Variants in ERBB4 observed in about 807,000 individuals in gnomAD.
ERBB4 encodes the protein erb-b2 receptor tyrosine kinase 4.
Under a neutral mutation model 158.0 loss-of-function variants are expected in ERBB4, and 42 were observed. The ratio of observed to expected loss-of-function variants is 0.27; its 90% confidence interval spans 0.21 to 0.34. The LOEUF (loss-of-function observed/expected upper bound fraction) is 0.34. Among genes scored for constraint, ERBB4 ranks in the 10% least tolerant of loss-of-function variants. The pLI, the probability that ERBB4 is intolerant of heterozygous loss-of-function variation, is 1.00. For missense variants in ERBB4, 1,333 were observed against 1,624.1 expected, an observed-to-expected ratio of 0.82 and a Z score of 3.08; for synonymous variants, 583 against 558.7, an observed-to-expected ratio of 1.04 and a Z score of -0.61.
At chr2:211,980,777 T>C (rs1169442559) in intron 2 of ERBB4, among the ~76,000 whole-genome samples, 1 of 152,206 alleles carries the variant, frequency 6.6e-6, no homozygotes, top group African/African-American at 2.4e-5. Flanking sequence ...CACATGTGAT[T>C]ACTAGCTCAT....
intron 16 of ERBB4, among the ~76,000 whole-genome samples, chr2:211,635,788 T>C (rs2070334684): frequency 6.6e-6 from 1 of 152,134 alleles, no homozygotes; most frequent in Non-Finnish European, 1.5e-5. Flanking sequence ...GTTAATTCTA[T>C]GATTCTACCT....
chr2:211,746,017 G>A (rs941841138), intron 5 of ERBB4, among the ~76,000 whole-genome samples: 3 of 152,126 alleles, frequency 2.0e-5, no homozygotes, highest in Admixed American at 2.0e-4. Context: ...TTCCTCAATT[G>A]TAAAATTGGG....
intron 2 of ERBB4, among the ~76,000 whole-genome samples, chr2:212,053,809 T>A (rs193244814): frequency 9.2e-5 from 14 of 152,344 alleles, no homozygotes; most frequent in Middle Eastern, 6.8e-3. Flanking sequence ...TTACGCATAT[T>A]CAGGTTTCTA....
chr2:212,057,894 T>C (rs2077630527), intron 2 of ERBB4, among the ~76,000 whole-genome samples: 1 of 152,054 alleles, frequency 6.6e-6, no homozygotes, highest in Non-Finnish European at 1.5e-5. Flanking sequence ...AGCAAACACA[T>C]TCAAAAGCTA....
chr2:212,221,177 T>C (rs2083279233), intron 1 of ERBB4, among the ~76,000 whole-genome samples: 2 of 151,468 alleles, frequency 1.3e-5, no homozygotes, highest in Admixed American at 1.3e-4. Flanking sequence ...TGAAAGTGCT[T>C]GGAGTTTATA....
intron 1 of ERBB4, among the ~76,000 whole-genome samples, chr2:212,479,135 G>A (rs886433803): frequency 1.3e-5 from 2 of 152,102 alleles, no homozygotes; most frequent in African/African-American, 2.4e-5. Context: ...TCAATGCCAG[G>A]CATCCCTATT....
chr2:211,607,153 A>T (rs1043381304), intron 19 of ERBB4, among the ~76,000 whole-genome samples: 2 of 152,190 alleles, frequency 1.3e-5, no homozygotes, highest in African/African-American at 4.8e-5. Context: ...AAATAAGAAA[A>T]ATGAAAAAAT....
chr2:212,398,261 G>A (rs2091089047), intron 1 of ERBB4, among the ~76,000 whole-genome samples: 1 of 151,970 alleles, frequency 6.6e-6, no homozygotes, highest in Non-Finnish European at 1.5e-5. Flanking sequence ...ATGGGTGTTT[G>A]TTTTGTTGTC....
chr2:212,389,987 C>G (rs1423348307), intron 1 of ERBB4, among the ~76,000 whole-genome samples: 1 of 151,506 alleles, frequency 6.6e-6, no homozygotes, highest in African/African-American at 2.4e-5. Flanking sequence ...AAGAAATAGC[C>G]CTCATTCACC....
chr2:211,501,805 T>C (rs1388689040), intron 20 of ERBB4, among the ~76,000 whole-genome samples: 2 of 152,216 alleles, frequency 1.3e-5, no homozygotes, highest in African/African-American at 2.4e-5. Flanking sequence ...ACCTAACATT[T>C]TATATTGTTA....
chr2:211,512,318 T>C (rs57445671), intron 20 of ERBB4, among the ~76,000 whole-genome samples: 22,027 of 152,056 alleles, frequency 0.14, 2,163 homozygotes, highest in African/African-American at 0.27. Context: ...CTATATCTTA[T>C]TGCACCATTC....
intron 1 of ERBB4, among the ~76,000 whole-genome samples, chr2:212,143,143 C>T (rs922260989): frequency 6.6e-6 from 1 of 151,938 alleles, no homozygotes; most frequent in Non-Finnish European, 1.5e-5. Context: ...TTAAAAATAT[C>T]TCATTGTGAT....
At chr2:211,412,669 A>C (rs776407031) in intron 25 of ERBB4, among the ~76,000 whole-genome samples, 3 of 152,060 alleles carry the variant, frequency 2.0e-5, no homozygotes, top group African/African-American at 7.2e-5. Context: ...GAAATTGAAC[A>C]ATTTGGCCAG....
At chr2:212,254,693 C>T (rs570785098) in intron 1 of ERBB4, among the ~76,000 whole-genome samples, 6 of 152,264 alleles carry the variant, frequency 3.9e-5, no homozygotes, top group African/African-American at 1.2e-4. Flanking sequence ...GGAAAACTTC[C>T]TAACCTGCTT....
intron 1 of ERBB4, among the ~76,000 whole-genome samples, chr2:212,156,976 T>C (rs1470951338): frequency 6.6e-6 from 1 of 152,102 alleles, no homozygotes; most frequent in African/African-American, 2.4e-5. Flanking sequence ...TAAACCCTGT[T>C]TGTCTCCAAA....
chr2:212,139,315 A>G (rs1343395425), intron 1 of ERBB4, among the ~76,000 whole-genome samples: 4 of 152,104 alleles, frequency 2.6e-5, no homozygotes, highest in Non-Finnish European at 5.9e-5. Context: ...ACATGTGCAC[A>G]TACACATACA....
At chr2:212,134,871 GGGAT>G (rs758104692) in intron 1 of ERBB4, among the ~76,000 whole-genome samples, 7 of 151,700 alleles carry the variant, frequency 4.6e-5, no homozygotes, top group Non-Finnish European at 1.0e-4. Context: ...ATTTTTAGTA[GGGAT>G]GGGGGTTTCA....
intron 1 of ERBB4, among the ~76,000 whole-genome samples, chr2:212,291,292 C>T (rs1022832452): frequency 6.6e-6 from 1 of 152,030 alleles, no homozygotes; most frequent in Non-Finnish European, 1.5e-5. Context: ...ATAGACTATA[C>T]TAAATAACAA....
chr2:212,209,048 C>G (rs2082852179), intron 1 of ERBB4, among the ~76,000 whole-genome samples: 1 of 152,068 alleles, frequency 6.6e-6, no homozygotes, highest in Admixed American at 6.6e-5. Flanking sequence ...GATGTAGACC[C>G]TCCTTTCCAT....
Sources: gnomAD v4.1 joint callset for allele counts (sites outside exome capture counted in the v4.1 genomes callset) on GRCh38, gnomAD v4.1.1 for gene constraint, MANE v1.5 for transcripts, NCBI Gene and HGNC (gene_info 2026-07-23, HGNC 2026-07-21) for gene names.